Variants in TUSC3 observed in about 807,000 individuals in gnomAD.
The protein encoded by TUSC3 is dolichyl-diphosphooligosaccharide--protein glycosyltransferase subunit TUSC3.
Under a neutral mutation model 44.8 loss-of-function variants are expected in TUSC3, and 45 were observed. That is an observed-to-expected ratio of 1.00 (90% CI 0.79 to 1.29). The LOEUF is 1.29. Among genes scored for constraint, TUSC3 ranks in the 50% most tolerant of loss-of-function variants. The pLI is 0.00. For synonymous variants in TUSC3, 212 were observed against 152.9 expected (o/e 1.39, Z -2.85); for missense variants, 519 against 437.9 (o/e 1.19, Z -1.65).
chr8:15,686,214 G>C (rs1030207562), intron 6 of TUSC3, among the ~76,000 whole-genome samples: 4 of 152,148 alleles, frequency 2.6e-5, no homozygotes, highest in African/African-American at 9.6e-5. Context: ...AACAATTTTT[G>C]TTGTTAAAAA....
At chr8:15,496,389 C>T (rs73665419) in intron 2 of TUSC3, among the ~76,000 whole-genome samples, 7,650 of 152,234 alleles carry the variant, frequency 0.05, 278 homozygotes, top group East Asian at 0.13. Flanking sequence ...CTCCTAGGGT[C>T]CTTGTCAGAG....
chr8:15,708,345 C>T lies in TUSC3; in HGVS notation c.799-22321C>T, dbSNP rs560428847. Among the ~76,000 whole-genome samples, 5 of 152,090 alleles carry T rather than the reference C, an allele frequency of 3.3e-5. No homozygotes were observed. The South Asian group carries it at 1.0e-3, about 32-fold the overall frequency. ...TGTGTGTCACAGGAAGATGTTTAGA[C>T]TCTGCTGTAGGCATTTGGGTACCAG... On this transcript the variant is annotated intron_variant, in intron 6 of 10. Coordinates refer to ENST00000503731, the MANE Select transcript of TUSC3 (RefSeq NM_006765.4).
At chr8:15,748,528 T>C in intron 9 of TUSC3, 63 bp downstream of exon 9, 1 of 1,363,922 alleles carries the variant, frequency 7.3e-7, no homozygotes, top group Non-Finnish European at 1.0e-6. Context: ...GTTTCAGTGG[T>C]TAATATATAA....
chr8:15,551,451 T>C (rs1452972844), intron 1 of TUSC3, among the ~76,000 whole-genome samples: 1 of 151,800 alleles, frequency 6.6e-6, no homozygotes, highest in East Asian at 1.9e-4. Flanking sequence ...TTTCAACAAT[T>C]TAATTGAGTT....
chr8:15,482,425 C>G (rs1395167768), intron 1 of TUSC3, among the ~76,000 whole-genome samples: 1 of 152,170 alleles, frequency 6.6e-6, no homozygotes, highest in Admixed American at 6.5e-5. Context: ...ATCAAGGCAG[C>G]TATAGCGTTA....
intron 2 of TUSC3, among the ~76,000 whole-genome samples, chr8:15,647,772 C>G (rs1452110396): frequency 6.6e-6 from 1 of 152,002 alleles, no homozygotes; most frequent in Non-Finnish European, 1.5e-5. Flanking sequence ...TTATTTCAAA[C>G]TTGATTATTT....
At chr8:15,437,623 T>C (rs903497) in intron 1 of TUSC3, among the ~76,000 whole-genome samples, 146,036 of 152,304 alleles carry the variant, frequency 0.96, 70,250 homozygotes, top group Non-Finnish European at 1. Flanking sequence ...ATCTGAAGCT[T>C]TGCCTAAGTT....
chr8:15,656,795 T>C (rs1351438974), intron 3 of TUSC3, among the ~76,000 whole-genome samples: 1 of 152,232 alleles, frequency 6.6e-6, no homozygotes, highest in African/African-American at 2.4e-5. Flanking sequence ...TCAGGACTCT[T>C]GGGCTCTCCA....
chr8:15,425,606 G>A (rs1300206518), intron 1 of TUSC3, among the ~76,000 whole-genome samples: 2 of 152,228 alleles, frequency 1.3e-5, no homozygotes, highest in Non-Finnish European at 2.9e-5. Context: ...TAAGTTCAAA[G>A]TGTGGCCGAG....
At chr8:15,675,096 G>C (rs938592524) in intron 6 of TUSC3, among the ~76,000 whole-genome samples, 1 of 151,776 alleles carries the variant, frequency 6.6e-6, no homozygotes, top group African/African-American at 2.4e-5. Flanking sequence ...TATTTTGTCC[G>C]TTTGCCTTTT....
Position 15,615,970 on chromosome 8 carries a change from C to A in TUSC3, c.139-7110C>A, listed in dbSNP as rs191395826. 4.2e-4 allele frequency among the ~76,000 whole-genome samples: 64 copies of A among 152,210 alleles called. No homozygotes were observed. In the East Asian group the frequency reaches 8.5e-3, roughly 20 times the overall value. On this transcript the variant is annotated intron_variant, in intron 1 of 10. Coordinates refer to ENST00000503731, the MANE Select transcript of TUSC3 (RefSeq NM_006765.4). ...ACTCAGCCTCTTGAGTAGCTAGGAC[C>A]ACGTGAACACACCATGAAGACTGGC... is the stretch of plus-strand genomic sequence containing the variant.
At chr8:15,462,160 A>C (rs1800354713) in intron 1 of TUSC3, among the ~76,000 whole-genome samples, 1 of 152,098 alleles carries the variant, frequency 6.6e-6, no homozygotes, top group Admixed American at 6.6e-5. Context: ...TCATAATAAT[A>C]ACTTTAGCAT....
At chr8:15,510,192 G>C (rs1293410314) in intron 2 of TUSC3, among the ~76,000 whole-genome samples, 1 of 151,862 alleles carries the variant, frequency 6.6e-6, no homozygotes, top group Non-Finnish European at 1.5e-5. Context: ...TCTTGAAAAT[G>C]AAAAGCAAAT....
chr8:15,777,791 T>G, the TUSC3 span, among the ~76,000 whole-genome samples: 2 of 152,280 alleles, frequency 1.3e-5, no homozygotes, highest in South Asian at 4.1e-4. Flanking sequence ...AATTCCCTTT[T>G]AAAATATTAT....
intron 1 of TUSC3, among the ~76,000 whole-genome samples, chr8:15,555,966 T>C (rs945020113): frequency 1.3e-5 from 2 of 151,366 alleles, no homozygotes; most frequent in Non-Finnish European, 3.0e-5. Context: ...CATTAGAAAA[T>C]AGAGGTAAAA....
chr8:15,770,053 C>G (rs1482550325), downstream of TUSC3, among the ~76,000 whole-genome samples: 1 of 152,082 alleles, frequency 6.6e-6, no homozygotes, highest in Non-Finnish European at 1.5e-5. Context: ...CCCAGCAATC[C>G]CATTACTGGG....
chr8:15,754,587 CCTTTT>C (rs1281348239), intron 9 of TUSC3, among the ~76,000 whole-genome samples: 1 of 151,818 alleles, frequency 6.6e-6, no homozygotes, highest in Non-Finnish European at 1.5e-5. Flanking sequence ...TACTTTTTTT[CCTTTT>C]CTTAAGAAAA....
intron 6 of TUSC3, among the ~76,000 whole-genome samples, chr8:15,705,170 C>G (rs930270459): frequency 1.1e-4 from 17 of 151,224 alleles, no homozygotes; most frequent in African/African-American, 4.1e-4. Context: ...GCCATAGTTA[C>G]CAAAACAATT....
chr8:15,437,973 G>C (rs1282269776), intron 1 of TUSC3, among the ~76,000 whole-genome samples: 2 of 152,200 alleles, frequency 1.3e-5, no homozygotes, highest in Non-Finnish European at 2.9e-5. Context: ...CTTTGGAACT[G>C]TACAGACATT....
Sources: allele counts gnomAD v4.1 joint callset (sites outside exome capture counted in the v4.1 genomes callset), GRCh38; gene constraint gnomAD v4.1.1; transcripts MANE v1.5; gene names NCBI Gene and HGNC (gene_info 2026-07-23, HGNC 2026-07-21).